Variants in ASB14 observed in about 807,000 individuals in gnomAD.
The protein encoded by ASB14 is ankyrin repeat and SOCS box protein 14.
Under a neutral mutation model 55.6 loss-of-function variants are expected in ASB14, and 63 were observed. That is an observed-to-expected ratio of 1.13 (90% CI 0.92 to 1.40). The LOEUF is 1.40. Ranked by LOEUF, ASB14 falls within the 40% of genes most tolerant of loss-of-function variation. The probability of loss-of-function intolerance (pLI) is 0.00; values close to 1 mark genes in which losing one functional copy is unlikely to be tolerated. For missense variants in ASB14, 724 were observed against 710.4 expected (o/e 1.02, Z -0.22); for synonymous variants, 256 against 259.9 (o/e 0.98, Z 0.15).
At chr3:57,272,544 T>G (rs986565651) in intron 10 of ASB14, 1 of 152,170 alleles carries the variant, frequency 6.6e-6, no homozygotes, top group Non-Finnish European at 1.5e-5. Flanking sequence ...ATCCTATTAA[T>G]GCTGAGAGAT....
Position 57,280,482 on chromosome 3 carries a change from A to G in ASB14, c.716-9T>C. ...ACCATGAGCATTAGCTCCTAAGAGG[A>G]GAAAGACTCTTGTTAATGCAAAAAT... On this transcript the variant is annotated splice_polypyrimidine_tract_variant and intron_variant, in intron 6 of 10. Coordinates refer to ENST00000487349, the MANE Select transcript of ASB14 (RefSeq NM_001142733.3). The G allele has an allele frequency of 6.5e-7, 1 of 1,543,064 alleles. No individual in the cohort carries two copies. Among genetic ancestry groups the G allele is most frequent in the Non-Finnish European group, 8.8e-7 (1 of 1,141,000 alleles).
rs1559526234 is a variant in ASB14 at position 57,291,905 on chromosome 3, C to T, written c.122+7G>A. The T allele has an allele frequency of 6.5e-7, 1 of 1,528,180 alleles. No individual in the cohort carries two copies. The allele number at this position is 1,528,180 out of a possible 1,614,324, so 94.7% of individuals were successfully genotyped here. A position where few individuals can be genotyped will look rare whatever the true frequency, so the allele number is the denominator to read the frequency against. ...TAATACTATATTGCCGATGAGAAAA[C>T]CATTACCTCTCATCCTTAGGTGCAT... On this transcript the variant is annotated splice_region_variant and intron_variant, in intron 2 of 10. Transcript: ENST00000487349.
intron 10 of ASB14, among the ~76,000 whole-genome samples, 189 bp downstream of exon 10, chr3:57,276,339 G>A (rs934898889): frequency 6.6e-6 from 1 of 151,674 alleles, no homozygotes; most frequent in Middle Eastern, 3.4e-3. Flanking sequence ...AGGCTGGAGT[G>A]CAGTGGCGTG....
intron 10 of ASB14, among the ~76,000 whole-genome samples, chr3:57,274,743 C>T (rs1307286828): frequency 3.3e-5 from 5 of 152,196 alleles, no homozygotes; most frequent in East Asian, 1.9e-4. Flanking sequence ...AAAAATTTAA[C>T]GTAACTGCCA....
rs745897762 is a variant in ASB14 at position 57,276,670 on chromosome 3, C to G, written c.1644G>C (p.Arg548=). The change falls in exon 10 of 11, where the codon CGG becomes CGC. Residue 548 remains arginine (R), a synonymous_variant. Transcript: ENST00000487349. ...CRLKIRKCMG[R]LHLRCPVFMS... Reference sequence around the variant, plus strand: ...TGAAGACAGGGCAGCGCAAATGTAACCGTCCCATGCATTTCCGGATCTTTA... The same window carrying G: ...TGAAGACAGGGCAGCGCAAATGTAAGCGTCCCATGCATTTCCGGATCTTTA... The G allele has an allele frequency of 6.2e-7, 1 of 1,613,986 alleles. No homozygotes were observed. The highest frequency in any genetic ancestry group is 1.1e-5 in the South Asian group (1 of 91,050).
In ASB14 at chr3:57,269,312, A is replaced by G. The variant is rs948699911; in HGVS notation, c.*329T>C. 6.8e-6 allele frequency: 3 copies of G among 440,842 alleles called. No individual in the cohort carries two copies. Among genetic ancestry groups the G allele is most frequent in the Non-Finnish European group, 1.2e-5 (3 of 249,520 alleles). 27.3% of individuals were successfully genotyped at this position (440,842 alleles called of 1,614,324 possible). A position where few individuals can be genotyped will look rare whatever the true frequency, so the allele number is the denominator to read the frequency against. ...ATTTGGTTGTTGGTCATAAAAAAAG[A>G]AAGATAAAATATTAGATTTTAGTTT... On this transcript the variant is annotated 3_prime_UTR_variant, in exon 11 of 11. Transcript: ENST00000487349.
chr3:57,277,515 A>T (rs891759729), intron 9 of ASB14, among the ~76,000 whole-genome samples: 15 of 151,982 alleles, frequency 9.9e-5, no homozygotes, highest in African/African-American at 3.4e-4. Context: ...TGTTTCCATG[A>T]TTTAGGTGGA....
intron 10 of ASB14, chr3:57,270,687 A>C (rs1022024050): frequency 3.9e-5 from 6 of 152,642 alleles, no homozygotes; most frequent in African/African-American, 1.4e-4. Flanking sequence ...CAGTATTTTC[A>C]TAATGCCATG....
chr3:57,282,043 A>G lies in ASB14; in HGVS notation c.715+1151T>C, dbSNP rs1013100523. Among the ~76,000 whole-genome samples the G allele has an allele frequency of 4.6e-5, 7 of 152,224 alleles. No homozygotes were observed. In the South Asian group the frequency reaches 1.4e-3, roughly 32 times the overall value. On this transcript the variant is annotated intron_variant, in intron 6 of 10. Transcript: ENST00000487349. ...TTCTCTGTATTTTAATCAATGATCT[A>G]TACAAAAGGTTACTCTTTCCTCGTA...
In ASB14 at chr3:57,277,876, T is replaced by C. The variant is rs939293423; in HGVS notation, c.1476A>G (p.Gly492=). ...ITLSWLQHLS[G]KVVRVMLDYV... The stretch of plus-strand genomic sequence containing the variant: ...AATCAAGCATCACTCGAACAACCTT[T>C]CCAGAGAGATGTTGCAGCCATGACA... Residue 492 remains glycine, a synonymous_variant, in exon 9 of 11, where the codon GGA becomes GGG. Coordinates refer to ENST00000487349, the MANE Select transcript of ASB14 (RefSeq NM_001142733.3). The C allele has an allele frequency of 1.2e-6, 2 of 1,613,912 alleles. No individual in the cohort carries two copies. The highest frequency in any genetic ancestry group is 3.3e-5 in the Admixed American group (2 of 60,006).
intron 10 of ASB14, chr3:57,271,670 G>A (rs921220262): frequency 1.3e-5 from 2 of 152,242 alleles, no homozygotes; most frequent in African/African-American, 4.8e-5. Context: ...ATGGTAGCAA[G>A]TGCTGCCCTT....
chr3:57,289,561 A>C (rs1559525538), intron 2 of ASB14, among the ~76,000 whole-genome samples: 1 of 152,114 alleles, frequency 6.6e-6, no homozygotes, highest in East Asian at 1.9e-4. Context: ...AAAAATATTC[A>C]CAGTCAGAAT....
At chr3:57,275,304 T>C (rs901205830) in intron 10 of ASB14, among the ~76,000 whole-genome samples, 2 of 151,874 alleles carry the variant, frequency 1.3e-5, no homozygotes, top group African/African-American at 4.8e-5. Flanking sequence ...ATACAAAAAT[T>C]AGCCGGGCAT....
intron 5 of ASB14, among the ~76,000 whole-genome samples, chr3:57,284,088 C>CTATGTATGTG (rs1553640077): frequency 0.01 from 431 of 41,374 alleles, 3 homozygotes; most frequent in African/African-American, 0.027. Context: ...CTTGGGAACA[C>CTATGTATGTG]TGTGTATGTG....
At position 57,268,639 on chromosome 3, in the gene ASB14, T is replaced by TCA; in HGVS notation, c.*1000_*1001dup. The stretch of plus-strand genomic sequence containing the variant: ...TGATTCATACCATAGCAGAAAAGGG[T>TCA]CACATCTGTTTTTTGATATGATGTT... On this transcript the variant is annotated 3_prime_UTR_variant, in exon 11 of 11. Coordinates refer to ENST00000487349, the MANE Select transcript of ASB14 (RefSeq NM_001142733.3). 1 of 800,170 alleles carries TCA rather than the reference T, an allele frequency of 1.2e-6. No individual in the cohort carries two copies. The highest frequency in any genetic ancestry group is 1.8e-6 in the Non-Finnish European group (1 of 561,174). 49.6% of individuals were successfully genotyped at this position (800,170 alleles called of 1,614,324 possible).
At chr3:57,272,377 C>T (rs1414008602) in intron 10 of ASB14, 1 of 152,086 alleles carries the variant, frequency 6.6e-6, no homozygotes, top group East Asian at 1.9e-4. Context: ...TCAAAAGAAT[C>T]CTCAGGCTCT....
chr3:57,273,065 A>G (rs1266826067), intron 10 of ASB14: 1 of 152,486 alleles, frequency 6.6e-6, no homozygotes, highest in East Asian at 1.9e-4. Flanking sequence ...AGTAAGACAT[A>G]AAGATTTGAA....
Position 57,278,610 on chromosome 3 carries a change from C to G in ASB14, c.1198G>C (p.Glu400Gln), listed in dbSNP as rs1257476841. 1.2e-6 allele frequency: 2 copies of G among 1,614,106 alleles called. No individual in the cohort carries two copies. Among genetic ancestry groups the G allele is most frequent in the Non-Finnish European group, 1.7e-6 (2 of 1,180,044 alleles). ...LQIALRMGNY[E>Q]LISLLLRHGA... ...TGCCTTAGCAGCAGACTGATCAGCT[C>G]ATAGTTGCCCATCCTGAGGGCTATC... Residue 400 changes from glutamate to glutamine, a missense_variant, in exon 8 of 11, where the codon GAG becomes CAG. By Grantham distance (29) the Glu-to-Gln change is conservative. Transcript: ENST00000487349.
chr3:57,282,067 TAGATG>T (rs2061044600), intron 6 of ASB14, among the ~76,000 whole-genome samples: 1 of 152,236 alleles, frequency 6.6e-6, no homozygotes. Flanking sequence ...TCTTTCCTCG[TAGATG>T]AAAGATTCCA....
Sources: gnomAD v4.1 joint callset for allele counts (sites outside exome capture counted in the v4.1 genomes callset) on GRCh38, gnomAD v4.1.1 for gene constraint, MANE v1.5 for transcripts, NCBI Gene and HGNC (gene_info 2026-07-23, HGNC 2026-07-21) for gene names.